Variants in SPAG5 observed in about 807,000 individuals in gnomAD.
SPAG5 encodes sperm associated antigen 5.
Under a neutral mutation model 145.4 loss-of-function variants are expected in SPAG5, and 99 were observed. That is an observed-to-expected ratio of 0.68 (90% CI 0.58 to 0.80). The LOEUF (loss-of-function observed/expected upper bound fraction) is 0.80, where lower values mean the gene tolerates loss of function less well. Ranked by LOEUF, SPAG5 falls within the 30% of genes least tolerant of loss-of-function variation. The pLI, the probability that SPAG5 is intolerant of heterozygous loss-of-function variation, is 0.00. For missense variants in SPAG5, 1,192 were observed against 1,416.0 expected, an observed-to-expected ratio of 0.84 and a Z score of 2.54; for synonymous variants, 477 against 525.4, an observed-to-expected ratio of 0.91 and a Z score of 1.26.
At chr17:28,594,842 C>T (rs1368124549) in intron 2 of SPAG5, among the ~76,000 whole-genome samples, 2 of 152,070 alleles carry the variant, frequency 1.3e-5, no homozygotes, top group Non-Finnish European at 2.9e-5. Flanking sequence ...CACCTGTAGT[C>T]CCAGCTATTC....
In SPAG5 at chr17:28,585,967, C is replaced by T. The variant is rs200270239; in HGVS notation, c.1637G>A (p.Cys546Tyr). ...CCTCAATTTCTTCAGCAAATCAAAA[C>T]AGCAACAGACCAATGTTTCTGCACG... is the stretch of plus-strand genomic sequence containing the variant. The part of the protein sequence containing the change: ...SRRAETLVCC[C>Y]FDLLKKLRAK... Residue 546 changes from cysteine (C) to tyrosine (Y), a missense_variant, in exon 7 of 24, where the codon TGT becomes TAT. Transcript: ENST00000321765. 2.0e-5 allele frequency: 33 copies of T among 1,614,094 alleles called. No individual in the cohort carries two copies. Among genetic ancestry groups the T allele is most frequent in the Non-Finnish European group, 2.7e-5 (32 of 1,180,058 alleles).
rs2070634600 is a variant in SPAG5 at position 28,593,012 on chromosome 17, A to C, written c.232T>G (p.Leu78Val). 2.5e-6 allele frequency: 4 copies of C among 1,614,198 alleles called. No individual in the cohort carries two copies. The highest frequency in any genetic ancestry group is 2.2e-5 in the East Asian group (1 of 44,884). ...VDFVNNKRTD[L>V]SSEHFSHSSK... ...GAATGACTGAAATGTTCTGAAGATA[A>C]GTCTGTCCTCTTGTTATTTACAAAA... is the stretch of plus-strand genomic sequence containing the variant. The change falls in exon 3 of 24, where the codon TTA becomes GTA. Residue 78 changes from leucine (L) to valine (V), a missense_variant. By Grantham distance (32) the Leu-to-Val change is conservative. Transcript: ENST00000321765.
chr17:28,596,622 C>T (rs1406452857), intron 2 of SPAG5, among the ~76,000 whole-genome samples: 1 of 151,488 alleles, frequency 6.6e-6, no homozygotes, highest in East Asian at 2.0e-4. Context: ...GAGCCAAGAT[C>T]GTGCCATTGC....
chr17:28,589,126 T>C (rs2070604432), intron 4 of SPAG5, among the ~76,000 whole-genome samples: 1 of 150,570 alleles, frequency 6.6e-6, no homozygotes, highest in Non-Finnish European at 1.5e-5. Flanking sequence ...TGAGACAGAG[T>C]CTTACTCTAT....
In SPAG5 at chr17:28,585,621, G is replaced by A. The variant is rs575160998; in HGVS notation, c.1773C>T (p.His591=). 7.9e-5 allele frequency: 128 copies of A among 1,614,060 alleles called. No homozygotes were observed. The South Asian group carries it at 1.1e-3, about 14-fold the overall frequency. ...CCAGCTGGCTGATGCGCTGGCTGGC[G>A]TGTGCACAGAAAGCCTCCAACACTA... ...AEIVLEAFCA[H]ASQRISQLEQ... The change falls in exon 8 of 24, where the codon CAC becomes CAT. Residue 591 remains histidine (H), a synonymous_variant. Transcript: ENST00000321765.
chr17:28,590,763 G>A (rs1183663080), intron 4 of SPAG5, among the ~76,000 whole-genome samples: 3 of 151,424 alleles, frequency 2.0e-5, no homozygotes, highest in African/African-American at 7.3e-5. Context: ...CAGCTACTCA[G>A]GAGGCTGAGG....
intron 23 of SPAG5, 113 bp from the exon 24 acceptor site, chr17:28,577,883 G>A (rs954491973): frequency 3.3e-6 from 4 of 1,197,084 alleles, no homozygotes; most frequent in African/African-American, 3.0e-5. Context: ...CCACAGAGAA[G>A]CCTGCAATAG....
chr17:28,585,086 C>T lies in SPAG5; in HGVS notation c.2067+16G>A, dbSNP rs371432183. ...AAGGAAACCAAGCCTAAGCAGTCCCCACTCTTGGTTTGTACCTCCTGCTTT... is the reference window on the plus strand; with the variant it reads ...AAGGAAACCAAGCCTAAGCAGTCCCTACTCTTGGTTTGTACCTCCTGCTTT... On this transcript the variant is annotated intron_variant, in intron 10 of 23. Transcript: ENST00000321765. 1.9e-6 allele frequency: 3 copies of T among 1,596,876 alleles called. No homozygotes were observed. The African/African-American group carries it at 4.0e-5, about 21-fold the overall frequency.
In SPAG5 at chr17:28,578,772, G is replaced by A; in HGVS notation, c.3118-20C>T. The A allele has an allele frequency of 1.3e-6, 2 of 1,598,276 alleles. No individual in the cohort carries two copies. The highest frequency in any genetic ancestry group is 8.6e-7 in the Non-Finnish European group (1 of 1,165,772). ...TTCATTCTGTGAGGGAAAGGGAGGT[G>A]AGAAGACACATGAAGAGCTGGTCTC... On this transcript the variant is annotated intron_variant, in intron 19 of 23. Transcript: ENST00000321765.
intron 2 of SPAG5, among the ~76,000 whole-genome samples, chr17:28,597,708 G>A (rs1223461998): frequency 6.6e-6 from 1 of 152,118 alleles, no homozygotes; most frequent in Non-Finnish European, 1.5e-5. Flanking sequence ...GCATGAAAAT[G>A]AATAGATACG....
At position 28,598,598 on chromosome 17, in the gene SPAG5, G is replaced by T; in HGVS notation, c.89C>A (p.Thr30Asn). ...PSMRTPLREL[T>N]LQPGALTNSG... ...GTTGGTGAGGGCACCGGGCTGCAGGGTAAGTTCACGGAGAGGAGTTCTCAT... is the reference window on the plus strand; with the variant it reads ...GTTGGTGAGGGCACCGGGCTGCAGGTTAAGTTCACGGAGAGGAGTTCTCAT... Residue 30 changes from threonine (T) to asparagine (N), a missense_variant, in exon 2 of 24, where the codon ACC (threonine) becomes AAC (asparagine). Coordinates refer to ENST00000321765, the MANE Select transcript of SPAG5 (RefSeq NM_006461.4). The T allele has an allele frequency of 1.2e-6, 2 of 1,612,334 alleles. No homozygotes were observed. The highest frequency in any genetic ancestry group is 1.3e-5 in the African/African-American group (1 of 74,916).
intron 15 of SPAG5, among the ~76,000 whole-genome samples, chr17:28,581,680 G>GC (rs977474971): frequency 3.1e-4 from 47 of 151,902 alleles, no homozygotes; most frequent in African/African-American, 1.1e-3. Context: ...CGCCTTCTCT[G>GC]CCCCCCGGTC....
chr17:28,584,990 C>A (rs2070574287), intron 10 of SPAG5, 112 bp downstream of exon 10: 3 of 1,020,252 alleles, frequency 2.9e-6, no homozygotes, highest in Admixed American at 3.8e-5. Context: ...ACCTTACTGG[C>A]TGGCCTCCAA....
In SPAG5 at chr17:28,578,761, G is replaced by C. The variant is rs929944681; in HGVS notation, c.3118-9C>G. The C allele has an allele frequency of 1.2e-6, 2 of 1,610,120 alleles. No individual in the cohort carries two copies. Among genetic ancestry groups the C allele is most frequent in the Non-Finnish European group, 1.7e-6 (2 of 1,176,466 alleles). ...TGGAGCTCCTTTTCATTCTGTGAGG[G>C]AAAGGGAGGTGAGAAGACACATGAA... On this transcript the variant is annotated splice_polypyrimidine_tract_variant and intron_variant, in intron 19 of 23. Coordinates refer to ENST00000321765, the MANE Select transcript of SPAG5 (RefSeq NM_006461.4).
intron 20 of SPAG5, 42 bp downstream of exon 20, chr17:28,578,630 G>GT (rs760943169): frequency 6.2e-7 from 1 of 1,609,780 alleles, no homozygotes; most frequent in South Asian, 1.1e-5. Context: ...TGGCTGACCA[G>GT]TAACACAGAA....
Position 28,592,448 on chromosome 17 carries a change from C to G in SPAG5, c.796G>C (p.Glu266Gln), listed in dbSNP as rs147616875. The change falls in exon 3 of 24, where the codon GAG becomes CAG. Residue 266 changes from glutamate to glutamine, a missense_variant. By Grantham distance (29) the Glu-to-Gln change is conservative. Transcript: ENST00000321765. ...ADFRVNHVDP[E>Q]EEIVEHGAME... ...GCTCCATGCTCTACAATTTCCTCCT[C>G]TGGGTCCACATGATTGACACGGAAA... The G allele has an allele frequency of 7.4e-6, 12 of 1,613,618 alleles. No homozygotes were observed. The African/African-American group carries it at 1.1e-4, about 14-fold the overall frequency.
Position 28,598,901 on chromosome 17 carries a change from G to A in SPAG5, c.46C>T (p.Gln16Ter). The change falls in exon 1 of 24, where the codon CAG becomes TAG. Residue 16 changes from glutamine to a stop codon, truncating the protein, a stop_gained. Coordinates refer to ENST00000321765, the MANE Select transcript of SPAG5 (RefSeq NM_006461.4). LOFTEE classifies it high-confidence loss of function. ...KLSLSLSPSP[Q>*]TGKPSMRTPL... ...GCCAGAGATCTCCCGCTTACCGTCT[G>A]GGGCGAAGGCGACAGGCTGAGGCTC... 1 of 1,613,838 alleles carries A rather than the reference G, an allele frequency of 6.2e-7. No homozygotes were observed. The highest frequency in any genetic ancestry group is 8.5e-7 in the Non-Finnish European group (1 of 1,179,898).
At chr17:28,591,923 G>T in intron 3 of SPAG5, 51 bp from the exon 4 acceptor site, 1 of 1,609,508 alleles carries the variant, frequency 6.2e-7, no homozygotes, top group South Asian at 1.1e-5. Context: ...GGGAAGGGAT[G>T]GGAGGGGAAG....
chr17:28,577,846 G>A (rs1241942776), intron 23 of SPAG5, 76 bp from the exon 24 acceptor site: 13 of 1,338,694 alleles, frequency 9.7e-6, no homozygotes, highest in Admixed American at 3.5e-5. Context: ...GGAGGCAGCC[G>A]CTGAATTAGA....
Sources: gnomAD v4.1 joint callset for allele counts (sites outside exome capture counted in the v4.1 genomes callset) on GRCh38, gnomAD v4.1.1 for gene constraint, MANE v1.5 for transcripts, NCBI Gene and HGNC (gene_info 2026-07-23, HGNC 2026-07-21) for gene names.